EHBP1: variants seen among roughly 807,000 people sequenced by gnomAD.
EHBP1 encodes the protein EH domain binding protein 1.
Under a neutral mutation model 144.0 loss-of-function variants are expected in EHBP1, and 55 were observed. That is an observed-to-expected ratio of 0.38 (90% CI 0.31 to 0.48). EHBP1 has a LOEUF of 0.48. Ranked by LOEUF, EHBP1 falls within the 20% of genes least tolerant of loss-of-function variation. EHBP1 has a pLI of 0.98. For synonymous variants in EHBP1, 469 were observed against 472.7 expected (o/e 0.99, Z 0.10); for missense variants, 1,200 against 1,364.2 (o/e 0.88, Z 1.90).
chr2:62,852,077 G>T (rs990387398), intron 7 of EHBP1, among the ~76,000 whole-genome samples: 1 of 152,052 alleles, frequency 6.6e-6, no homozygotes, highest in African/African-American at 2.4e-5. Context: ...TTAATGTTTT[G>T]AAGGTAAAGA....
intron 10 of EHBP1, among the ~76,000 whole-genome samples, chr2:62,916,608 T>C (rs1408683502): frequency 6.6e-6 from 1 of 150,974 alleles, no homozygotes; most frequent in Non-Finnish European, 1.5e-5. Context: ...AAAAAAAAAT[T>C]TAAAATGACA....
intron 19 of EHBP1, among the ~76,000 whole-genome samples, chr2:63,005,780 T>C (rs1027274146): frequency 1.3e-3 from 195 of 152,180 alleles, no homozygotes; most frequent in African/African-American, 4.4e-3. Flanking sequence ...TACCACATTA[T>C]TATATTTATT....
At chr2:62,743,864 C>T (rs2038928152) in intron 2 of EHBP1, among the ~76,000 whole-genome samples, 1 of 152,014 alleles carries the variant, frequency 6.6e-6, no homozygotes, top group Non-Finnish European at 1.5e-5. Flanking sequence ...CCACTTCAGT[C>T]CTCTGTGCTC....
At chr2:62,751,191 G>A (rs2039672618) in intron 3 of EHBP1, among the ~76,000 whole-genome samples, 1 of 152,196 alleles carries the variant, frequency 6.6e-6, no homozygotes, top group Non-Finnish European at 1.5e-5. Flanking sequence ...TTTTTAGCAT[G>A]AAGGGCTGTT....
intron 7 of EHBP1, among the ~76,000 whole-genome samples, chr2:62,850,684 T>C (rs537756859): frequency 6.6e-6 from 1 of 152,156 alleles, no homozygotes; most frequent in African/African-American, 2.4e-5. Context: ...TAAAGTATTA[T>C]ATAAATATAT....
At chr2:62,893,412 G>A (rs1165899278) in intron 10 of EHBP1, among the ~76,000 whole-genome samples, 1 of 152,016 alleles carries the variant, frequency 6.6e-6, no homozygotes, top group Non-Finnish European at 1.5e-5. Flanking sequence ...ATCTCATTTG[G>A]CAGTGGGTTA....
At chr2:62,709,156 CA>C (rs1197377774) in intron 2 of EHBP1, among the ~76,000 whole-genome samples, 1 of 151,922 alleles carries the variant, frequency 6.6e-6, no homozygotes, top group African/African-American at 2.4e-5. Flanking sequence ...TAAGGGGAGA[CA>C]AAAGGTTAGG....
intron 7 of EHBP1, among the ~76,000 whole-genome samples, chr2:62,837,361 A>G (rs2047358182): frequency 6.8e-6 from 1 of 147,814 alleles, no homozygotes; most frequent in African/African-American, 2.5e-5. Context: ...GAAAGGAACA[A>G]CCGGTACCAG....
rs1388206766 is a variant in EHBP1 at position 62,729,621 on chromosome 2, A to T, written c.105-17774A>T. 3.1e-5 allele frequency among the ~76,000 whole-genome samples: 4 copies of T among 129,522 alleles called. No homozygotes were observed. The East Asian group carries it at 8.5e-4, about 28-fold the overall frequency. The allele number at this position is 129,522 out of a possible 152,430, so 85.0% of individuals were successfully genotyped here. On this transcript the variant is annotated intron_variant, in intron 2 of 22. Transcript: ENST00000431489. The stretch of plus-strand genomic sequence containing the variant: ...ATAATAATAAATATAATAATAAATA[A>T]AATAAAATAAAATAAAATAATATAA...
chr2:62,856,929 A>T (rs959881448), intron 7 of EHBP1, among the ~76,000 whole-genome samples: 1 of 152,170 alleles, frequency 6.6e-6, no homozygotes, highest in Non-Finnish European at 1.5e-5. Flanking sequence ...AATGGTAGAG[A>T]GTGGCAGAAG....
chr2:62,962,648 C>T (rs1028944635), intron 14 of EHBP1, among the ~76,000 whole-genome samples: 1 of 152,058 alleles, frequency 6.6e-6, no homozygotes, highest in African/African-American at 2.4e-5. Context: ...ACTTTTTTAA[C>T]AGAATAAAAT....
intron 10 of EHBP1, among the ~76,000 whole-genome samples, chr2:62,882,882 CA>C (rs11317874): frequency 0.97 from 139,568 of 143,820 alleles, 67,700 homozygotes; most frequent in East Asian, 1. Flanking sequence ...AACTCCCTCT[CA>C]AAAAAAAAAA....
At chr2:62,896,754 C>T (rs527467405) in intron 10 of EHBP1, among the ~76,000 whole-genome samples, 11 of 151,880 alleles carry the variant, frequency 7.2e-5, no homozygotes, top group East Asian at 3.9e-4. Context: ...TCTCTGCCCC[C>T]GCTACTGAAA....
In EHBP1 at chr2:62,950,508, AGTTCATT is replaced by A. The variant is rs2057316576; in HGVS notation, c.2316+1349_2316+1355del. Among the ~76,000 whole-genome samples, 4 of 152,170 alleles carry A rather than the reference AGTTCATT, an allele frequency of 2.6e-5. No individual in the cohort carries two copies. In the South Asian group the frequency reaches 6.2e-4, roughly 24 times the overall value. ...TATTAAAATGTGTTAACATCTAATG[AGTTCATT>A]GTGGCTACTTCTAAATGAAAAAAAT... On this transcript the variant is annotated intron_variant, in intron 13 of 22. Coordinates refer to ENST00000431489, the MANE Select transcript of EHBP1 (RefSeq NM_001142616.3).
Position 62,862,605 on chromosome 2 carries a change from C to T in EHBP1, c.758-2126C>T, listed in dbSNP as rs562343216. 4.6e-5 allele frequency among the ~76,000 whole-genome samples: 7 copies of T among 151,766 alleles called. No homozygotes were observed. In the East Asian group the frequency reaches 5.8e-4, roughly 13 times the overall value. The stretch of plus-strand genomic sequence containing the variant: ...TGCACTCCAGCCTGGGCAACAAGAG[C>T]GAAACTCCATCTCAAAAAAATAAAA... On this transcript the variant is annotated intron_variant, in intron 8 of 22. Transcript: ENST00000431489.
At chr2:62,762,902 A>G (rs773055852) in intron 3 of EHBP1, among the ~76,000 whole-genome samples, 4 of 152,198 alleles carry the variant, frequency 2.6e-5, no homozygotes, top group Non-Finnish European at 5.9e-5. Context: ...CACTCAAAAT[A>G]TAAGTCAATA....
At chr2:62,771,104 C>G (rs2041624363) in intron 4 of EHBP1, among the ~76,000 whole-genome samples, 1 of 152,164 alleles carries the variant, frequency 6.6e-6, no homozygotes. Flanking sequence ...GTACAACAAA[C>G]TCCTGTGCCA....
chr2:62,786,749 G>A (rs1013819480), intron 5 of EHBP1, among the ~76,000 whole-genome samples: 5 of 152,174 alleles, frequency 3.3e-5, no homozygotes, highest in Middle Eastern at 3.2e-3. Context: ...ATATAGTTAT[G>A]AAGATGCTTT....
At chr2:62,906,375 A>G (rs540685338) in intron 10 of EHBP1, among the ~76,000 whole-genome samples, 1 of 152,284 alleles carries the variant, frequency 6.6e-6, no homozygotes, top group South Asian at 2.1e-4. Context: ...TCTTAAGGTT[A>G]GAGAGTGTAA....
Sources: gnomAD v4.1 joint callset for allele counts (sites outside exome capture counted in the v4.1 genomes callset) on GRCh38, gnomAD v4.1.1 for gene constraint, MANE v1.5 for transcripts, NCBI Gene and HGNC (gene_info 2026-07-23, HGNC 2026-07-21) for gene names.